Variants in SLC24A2 observed in about 807,000 individuals in gnomAD.
The protein encoded by SLC24A2 is sodium/potassium/calcium exchanger 2.
A neutral mutation model predicts 62.0 loss-of-function variants in SLC24A2; 36 were observed. The observed-to-expected ratio is 0.58, with a 90% confidence interval of 0.44 to 0.77. The LOEUF (loss-of-function observed/expected upper bound fraction) is 0.77, where lower values mean the gene tolerates loss of function less well. SLC24A2 is among the 30% of genes least tolerant of loss of function. The pLI is 0.00. For missense variants in SLC24A2, 846 were observed against 817.9 expected (o/e 1.03, Z -0.42); for synonymous variants, 358 against 294.0 (o/e 1.22, Z -2.23).
chr9:19,675,625 A>G (rs1392190776), intron 2 of SLC24A2, among the ~76,000 whole-genome samples: 1 of 152,090 alleles, frequency 6.6e-6, no homozygotes, highest in Non-Finnish European at 1.5e-5. Context: ...GAAGGTCGCC[A>G]GGGAAGTGGG....
chr9:20,162,954 T>C, the SLC24A2 span, among the ~76,000 whole-genome samples: 29 of 152,248 alleles, frequency 1.9e-4, no homozygotes, highest in Non-Finnish European at 2.8e-4. Flanking sequence ...AAACTCTCAA[T>C]AAATTAGGTA....
At chr9:19,694,096 TA>T (rs11394521) in intron 2 of SLC24A2, among the ~76,000 whole-genome samples, 61 of 148,764 alleles carry the variant, frequency 4.1e-4, no homozygotes, top group African/African-American at 1.1e-3. Flanking sequence ...TAGGATTCTC[TA>T]AAAAAAAAAA....
chr9:20,264,185 T>C, the SLC24A2 span, among the ~76,000 whole-genome samples: 1 of 152,206 alleles, frequency 6.6e-6, no homozygotes, highest in African/African-American at 2.4e-5. Flanking sequence ...ACAACACCTC[T>C]GTTGAAATGT....
At chr9:20,258,513 C>T in the SLC24A2 span, among the ~76,000 whole-genome samples, 1 of 152,178 alleles carries the variant, frequency 6.6e-6, no homozygotes, top group African/African-American at 2.4e-5. Context: ...GGGCAAGTTC[C>T]TGCTGTCTCT....
intron 2 of SLC24A2, among the ~76,000 whole-genome samples, chr9:19,730,251 T>C (rs545573488): frequency 2.6e-5 from 4 of 152,298 alleles, no homozygotes; most frequent in African/African-American, 9.6e-5. Flanking sequence ...AAAATTTATC[T>C]TGAAGGTAAC....
At position 19,678,137 on chromosome 9, in the gene SLC24A2, T is replaced by A. The variant is rs564024901; in HGVS notation, c.931-55838A>T. Among the ~76,000 whole-genome samples the A allele has an allele frequency of 1.2e-4, 18 of 152,330 alleles. No homozygotes were observed. In the South Asian group the frequency reaches 3.7e-3, roughly 32 times the overall value. The stretch of plus-strand genomic sequence containing the variant: ...TAATAACTGACTCCCAGGACTGTTA[T>A]GAAGATTAAATGAGAAGATGTGGGT... On this transcript the variant is annotated intron_variant, in intron 2 of 10. Transcript: ENST00000341998.
the SLC24A2 span, among the ~76,000 whole-genome samples, chr9:20,286,879 T>C: frequency 6.6e-6 from 1 of 152,308 alleles, no homozygotes; most frequent in East Asian, 1.9e-4. Flanking sequence ...CCAACCCTAC[T>C]AACTCTTACC....
At chr9:20,026,420 T>G in the SLC24A2 span, among the ~76,000 whole-genome samples, 1 of 152,238 alleles carries the variant, frequency 6.6e-6, no homozygotes, top group Non-Finnish European at 1.5e-5. Context: ...GGAGCTATTA[T>G]TAGCTATTAT....
the SLC24A2 span, among the ~76,000 whole-genome samples, chr9:19,844,237 A>G: frequency 2.6e-5 from 4 of 152,052 alleles, no homozygotes; most frequent in South Asian, 6.2e-4. Context: ...GTGAGATGGT[A>G]TCTCATTTGA....
the SLC24A2 span, among the ~76,000 whole-genome samples, chr9:19,989,876 G>C: frequency 6.6e-6 from 1 of 152,108 alleles, no homozygotes; most frequent in African/African-American, 2.4e-5. Flanking sequence ...CACTATAGAA[G>C]CAGGTAATAG....
At chr9:20,093,217 C>T in the SLC24A2 span, among the ~76,000 whole-genome samples, 60 of 152,024 alleles carry the variant, frequency 3.9e-4, no homozygotes, top group Non-Finnish European at 2.8e-4. Flanking sequence ...GGATTACAGG[C>T]ATGCACGACC....
intron 2 of SLC24A2, among the ~76,000 whole-genome samples, chr9:19,642,557 C>T (rs1428413590): frequency 1.3e-5 from 2 of 151,910 alleles, no homozygotes; most frequent in East Asian, 1.9e-4. Context: ...GCAGAGGCCA[C>T]TTAAAGAGTA....
chr9:20,084,297 G>A, the SLC24A2 span, among the ~76,000 whole-genome samples: 1 of 152,198 alleles, frequency 6.6e-6, no homozygotes, highest in South Asian at 2.1e-4. Flanking sequence ...GCTAGAGTTA[G>A]TTGATTTGTC....
intron 2 of SLC24A2, among the ~76,000 whole-genome samples, chr9:19,697,828 A>G (rs974313499): frequency 1.3e-5 from 2 of 152,164 alleles, no homozygotes; most frequent in African/African-American, 4.8e-5. Context: ...AAATAACTTT[A>G]CATTTTTTTG....
At chr9:19,761,026 A>T (rs1462757813) in intron 2 of SLC24A2, among the ~76,000 whole-genome samples, 1 of 152,196 alleles carries the variant, frequency 6.6e-6, no homozygotes, top group Non-Finnish European at 1.5e-5. Context: ...ACAAATCTGC[A>T]TGTTGTGCAC....
the SLC24A2 span, among the ~76,000 whole-genome samples, chr9:19,937,919 T>C: frequency 6.6e-6 from 1 of 152,164 alleles, no homozygotes; most frequent in African/African-American, 2.4e-5. Flanking sequence ...ACACTAACAA[T>C]TGTGGTTTGC....
At chr9:20,066,898 G>A in the SLC24A2 span, among the ~76,000 whole-genome samples, 2 of 152,140 alleles carry the variant, frequency 1.3e-5, no homozygotes, top group African/African-American at 2.4e-5. Context: ...AAGGCTAATT[G>A]TTTGGAGTGA....
the SLC24A2 span, among the ~76,000 whole-genome samples, chr9:19,925,085 A>T: frequency 6.6e-6 from 1 of 152,234 alleles, no homozygotes; most frequent in Non-Finnish European, 1.5e-5. Flanking sequence ...AGCTTGCCTT[A>T]CATAAGGGAG....
At chr9:20,290,183 A>G in the SLC24A2 span, among the ~76,000 whole-genome samples, 2 of 152,232 alleles carry the variant, frequency 1.3e-5, no homozygotes, top group Admixed American at 1.3e-4. Context: ...CGTTCTAGCC[A>G]TACTGAGTGC....
Sources: allele counts gnomAD v4.1 joint callset (sites outside exome capture counted in the v4.1 genomes callset), GRCh38; gene constraint gnomAD v4.1.1; transcripts MANE v1.5; gene names NCBI Gene and HGNC (gene_info 2026-07-23, HGNC 2026-07-21).